MAPK10: variants seen among roughly 807,000 people sequenced by gnomAD.
MAPK10 encodes mitogen-activated protein kinase 10, also known as JNK3 alpha protein kinase.
MAPK10 carries 25 observed loss-of-function variants against 59.3 expected under a neutral mutation model. The ratio of observed to expected loss-of-function variants is 0.42; its 90% CI spans 0.31 to 0.59. MAPK10 has a LOEUF of 0.59. MAPK10 is among the 20% of genes least tolerant of loss of function. The pLI, the probability that MAPK10 is intolerant of heterozygous loss-of-function variation, is 0.15. For missense variants in MAPK10, 351 were observed against 568.9 expected, an observed-to-expected ratio of 0.62 and a Z score of 3.90; for synonymous variants, 190 against 200.5, an observed-to-expected ratio of 0.95 and a Z score of 0.44.
chr4:86,423,764 T>TATATATATATATATATATATAGTGGG, intron 1 of MAPK10, among the ~76,000 whole-genome samples: 1 of 59,704 alleles, frequency 1.7e-5, no homozygotes, highest in Non-Finnish European at 4.1e-5. Context: ...TAGTGGGATA[T>TATATATATATATATATATATAGTGGG]ATATACATAT....
intron 10 of MAPK10, chr4:86,064,626 T>C (rs1025943128): frequency 8.4e-6 from 4 of 477,972 alleles, no homozygotes; most frequent in African/African-American, 2.0e-5. Context: ...TATATAATTA[T>C]TCACGCAAAC....
chr4:86,418,582 G>C (rs957804573), intron 1 of MAPK10, among the ~76,000 whole-genome samples: 3 of 152,132 alleles, frequency 2.0e-5, no homozygotes, highest in Non-Finnish European at 4.4e-5. Flanking sequence ...GTTTTTAACA[G>C]TCTTCCCTAA....
chr4:86,098,698 G>T (rs1310508243), intron 8 of MAPK10, 103 bp from the exon 9 acceptor site: 2 of 1,017,794 alleles, frequency 2.0e-6, no homozygotes, highest in East Asian at 4.8e-5. Context: ...TTGATTAAAA[G>T]TACAATTTTC....
At chr4:86,381,830 C>T (rs1056749541) in intron 1 of MAPK10, among the ~76,000 whole-genome samples, 1 of 152,122 alleles carries the variant, frequency 6.6e-6, no homozygotes, top group Non-Finnish European at 1.5e-5. Context: ...GTGCTTAACA[C>T]TCCTAGACCC....
chr4:86,071,823 T>A (rs1400935948), intron 9 of MAPK10, among the ~76,000 whole-genome samples: 1 of 149,614 alleles, frequency 6.7e-6, no homozygotes, highest in African/African-American at 2.5e-5. Flanking sequence ...AGTCAGGTAG[T>A]GTGATTCCTC....
intron 3 of MAPK10, among the ~76,000 whole-genome samples, chr4:86,170,798 T>C (rs1378113833): frequency 6.6e-6 from 1 of 150,584 alleles, no homozygotes; most frequent in African/African-American, 2.5e-5. Context: ...ACCACACCTA[T>C]TCCAAAATTG....
At chr4:86,272,269 C>T (rs777563029) in intron 2 of MAPK10, among the ~76,000 whole-genome samples, 4 of 152,052 alleles carry the variant, frequency 2.6e-5, no homozygotes, top group Non-Finnish European at 4.4e-5. Context: ...CTTCTCCCAG[C>T]ATGTGGCTTG....
chr4:86,325,078 T>C (rs1401325808), intron 2 of MAPK10, among the ~76,000 whole-genome samples: 1 of 152,196 alleles, frequency 6.6e-6, no homozygotes, highest in Non-Finnish European at 1.5e-5. Flanking sequence ...CTCTCTCTGT[T>C]ATAAATTTAA....
intron 3 of MAPK10, among the ~76,000 whole-genome samples, chr4:86,188,484 T>C (rs965432073): frequency 6.6e-6 from 1 of 152,254 alleles, no homozygotes; most frequent in African/African-American, 2.4e-5. Context: ...GATTTGCATT[T>C]CTCCAATGAC....
rs539701224 is a variant in MAPK10 at position 86,071,237 on chromosome 4, T to A, written c.803-3282A>T. ...GACCTTCGCCCACTTTTTAATGGGG[T>A]TGTTTGTTTTTTTCTTGTAAATTTG... On this transcript the variant is annotated intron_variant, in intron 9 of 13. Coordinates refer to ENST00000641462, the MANE Select transcript of MAPK10 (RefSeq NM_138982.4). Among the ~76,000 whole-genome samples the A allele has an allele frequency of 1.2e-4, 18 of 150,920 alleles. No homozygotes were observed. The South Asian group carries it at 3.3e-3, about 28-fold the overall frequency.
intron 2 of MAPK10, among the ~76,000 whole-genome samples, chr4:86,270,943 GT>G (rs2094415920): frequency 6.6e-6 from 1 of 151,978 alleles, no homozygotes; most frequent in Admixed American, 6.6e-5. Flanking sequence ...GTTATTTTCA[GT>G]TCGGAAAAAT....
At chr4:86,331,461 T>C (rs1281087395) in intron 2 of MAPK10, among the ~76,000 whole-genome samples, 1 of 152,118 alleles carries the variant, frequency 6.6e-6, no homozygotes, top group Non-Finnish European at 1.5e-5. Flanking sequence ...CAGAGTTCCC[T>C]CTGTACCCTT....
intron 1 of MAPK10, among the ~76,000 whole-genome samples, chr4:86,511,574 G>GA (rs1196685658): frequency 6.8e-6 from 1 of 147,724 alleles, no homozygotes; most frequent in African/African-American, 2.5e-5. Context: ...CTTCAAAAAA[G>GA]AAAAAACAAG....
At chr4:86,345,279 G>A (rs1373368645) in intron 2 of MAPK10, among the ~76,000 whole-genome samples, 1 of 152,052 alleles carries the variant, frequency 6.6e-6, no homozygotes, top group Non-Finnish European at 1.5e-5. Flanking sequence ...GACCGCTTAG[G>A]TATCATCTCA....
At chr4:86,213,323 C>A (rs2086401529) in intron 2 of MAPK10, among the ~76,000 whole-genome samples, 2 of 152,080 alleles carry the variant, frequency 1.3e-5, no homozygotes, top group East Asian at 3.9e-4. Flanking sequence ...TAAACTCAAA[C>A]CTGACAGATG....
intron 2 of MAPK10, among the ~76,000 whole-genome samples, chr4:86,249,129 G>A (rs1051033245): frequency 1.3e-5 from 2 of 151,670 alleles, no homozygotes; most frequent in African/African-American, 2.4e-5. Flanking sequence ...AGAAACTAAC[G>A]GCTAAAGCCA....
rs1739924313 is a variant in MAPK10, at chr4:86,376,998, T to C, written c.-121-22354A>G. ...GCCCATCAGAGTCAGTGAAGCACAA[T>C]GGCTTTACAAGCAGGCAGCCATTTC... On this transcript the variant is annotated intron_variant, in intron 1 of 13. Coordinates refer to the MAPK10 transcript ENST00000361569. Among the ~76,000 whole-genome samples the C allele has an allele frequency of 2.0e-5, 3 of 152,160 alleles. No individual in the cohort carries two copies. In the South Asian group the frequency reaches 6.2e-4, roughly 32 times the overall value.
intron 2 of MAPK10, among the ~76,000 whole-genome samples, chr4:86,331,267 G>A (rs529337100): frequency 2.2e-4 from 33 of 152,214 alleles, no homozygotes; most frequent in African/African-American, 7.9e-4. Context: ...AAAAATGGTC[G>A]TTTTCAAAGG....
At chr4:86,279,962 C>G (rs2094735012) in intron 2 of MAPK10, among the ~76,000 whole-genome samples, 1 of 152,100 alleles carries the variant, frequency 6.6e-6, no homozygotes, top group Admixed American at 6.6e-5. Flanking sequence ...AAAATTAACT[C>G]AAAATGGATT....
Sources: gnomAD v4.1 joint callset for allele counts (sites outside exome capture counted in the v4.1 genomes callset) on GRCh38, gnomAD v4.1.1 for gene constraint, MANE v1.5 for transcripts, NCBI Gene and HGNC (gene_info 2026-07-23, HGNC 2026-07-21) for gene names.